The following ZNF775 variants were observed in gnomAD, a reference collection of about 807,000 sequenced individuals.
ZNF775 encodes zinc finger protein 775.
In ZNF775, 1 loss-of-function variant was observed where a neutral mutation model predicts 2.4. That is an observed-to-expected ratio of 0.41 (90% CI 0.15 to 1.94). The LOEUF (loss-of-function observed/expected upper bound fraction) is 1.94, where lower values mean the gene tolerates loss of function less well. ZNF775 is among the 30% of genes most tolerant of loss of function. ZNF775 has a pLI of 0.30. For synonymous variants in ZNF775, 381 were observed against 373.3 expected, an observed-to-expected ratio of 1.02 and a Z score of -0.24; for missense variants, 823 against 826.6, an observed-to-expected ratio of 1.00 and a Z score of 0.05.
intron 1 of ZNF775, among the ~76,000 whole-genome samples, chr7:150,385,070 C>T (rs1018442986): frequency 2.6e-5 from 4 of 152,126 alleles, no homozygotes; most frequent in Non-Finnish European, 4.4e-5. Context: ...TGAGAGGTTT[C>T]CCAAGATGTG....
chr7:150,396,411 G>GC (rs1800650841), intron 2 of ZNF775, 102 bp from the exon 3 acceptor site: 2 of 1,383,744 alleles, frequency 1.4e-6, no homozygotes, highest in African/African-American at 1.5e-5. Flanking sequence ...GCCCCTCTCT[G>GC]CCCTCCTGCA....
chr7:150,397,378 C>G lies in ZNF775; in HGVS notation c.897C>G (p.His299Gln). 2 of 1,598,408 alleles carry G rather than the reference C, an allele frequency of 1.3e-6. No homozygotes were observed. The highest frequency in any genetic ancestry group is 1.7e-6 in the Non-Finnish European group (2 of 1,175,386). The change falls in exon 3 of 3, where the codon CAC becomes CAG. Residue 299 changes from histidine (H) to glutamine (Q), a missense_variant. Transcript: ENST00000329630. ...SFTWWSSLNI[H>Q]QRIHTGERPY... ...CCTGGTGGTCGTCGCTGAACATCCA[C>G]CAGCGCATCCACACTGGCGAGCGCC...
intron 1 of ZNF775, chr7:150,379,744 T>A (rs1800327995): frequency 1.3e-5 from 2 of 152,340 alleles, no homozygotes; most frequent in African/African-American, 4.8e-5. Flanking sequence ...TCTCCTGGGC[T>A]GTCCCGTTGT....
Position 150,397,212 on chromosome 7 carries a change from C to G in ZNF775, c.731C>G (p.Pro244Arg). 9.0e-7 allele frequency: 1 copy of G among 1,108,068 alleles called. No homozygotes were observed. Among genetic ancestry groups the G allele is most frequent in the Non-Finnish European group, 1.1e-6 (1 of 909,884 alleles). The allele number at this position is 1,108,068 out of a possible 1,614,324, so 68.6% of individuals were successfully genotyped here. The change falls in exon 3 of 3, where the codon CCG (proline) becomes CGG (arginine). Residue 244 changes from proline to arginine, a missense_variant. By Grantham distance (103) the Pro-to-Arg change is moderately radical (BLOSUM62 -2). Transcript: ENST00000329630. ...RRACRLQPGPPRGRPEWAWLG... is the reference protein window; with the variant it reads ...RRACRLQPGPRRGRPEWAWLG... ...GCCTGTCGCCTGCAGCCGGGGCCGCCGCGGGGGCGCCCCGAGTGGGCCTGG... is the reference window on the plus strand; with the variant it reads ...GCCTGTCGCCTGCAGCCGGGGCCGCGGCGGGGGCGCCCCGAGTGGGCCTGG...
At chr7:150,390,905 G>A (rs1800548586) in intron 2 of ZNF775, among the ~76,000 whole-genome samples, 2 of 152,200 alleles carry the variant, frequency 1.3e-5, no homozygotes. Context: ...CTCAGTTTAT[G>A]CTCTCAGAAT....
In ZNF775 at chr7:150,397,437, G is replaced by A; in HGVS notation, c.956G>A (p.Ser319Asn). ...TGCCCCGAGTGCGGCCGCCGCTTCA[G>A]CCAGAAGCCCAACTTGACGCGGCAC... is the stretch of plus-strand genomic sequence containing the variant. ...YACPECGRRF[S>N]QKPNLTRHLR... Residue 319 changes from serine (S) to asparagine (N), a missense_variant, in exon 3 of 3, where the codon AGC becomes AAC. Ser to Asn is a conservative substitution (Grantham distance 46). Transcript: ENST00000329630. 3 of 1,595,694 alleles carry A rather than the reference G, an allele frequency of 1.9e-6. No individual in the cohort carries two copies. Among genetic ancestry groups the A allele is most frequent in the Non-Finnish European group, 2.6e-6 (3 of 1,174,960 alleles).
In ZNF775 at chr7:150,382,188, T is replaced by G. The variant is rs1800376177; in HGVS notation, c.-50+2796T>G. ...GAGCGTGGAGGCTCCTGTGTGGCGC[T>G]GGGGGCCTCTGAGATTCCCAACTGG... On this transcript the variant is annotated intron_variant, in intron 1 of 2. Coordinates refer to ENST00000329630, the MANE Select transcript of ZNF775 (RefSeq NM_173680.4). This position sits in a 1 kb window ranked among gnomAD's most constrained non-coding sequence, Gnocchi z 4.6. 6.6e-6 allele frequency among the ~76,000 whole-genome samples: 1 copy of G among 152,056 alleles called. No homozygotes were observed. The highest frequency in any genetic ancestry group is 1.5e-5 in the Non-Finnish European group (1 of 67,988).
chr7:150,389,802 A>G (rs1304128622), intron 2 of ZNF775, among the ~76,000 whole-genome samples: 2 of 150,818 alleles, frequency 1.3e-5, no homozygotes, highest in Admixed American at 6.6e-5. Flanking sequence ...CATCTGGAGG[A>G]CCCCGTTTTT....
rs71196708 is a variant in ZNF775, at chr7:150,389,859, TTGTGTGTGTGTGTGTGTGTGTGTG to T, written c.31+1396_31+1419del. On this transcript the variant is annotated intron_variant, in intron 2 of 2. Coordinates refer to ENST00000329630, the MANE Select transcript of ZNF775 (RefSeq NM_173680.4). ...CTTTTAAGCAACTTTTAATTTTTAT[TTGTGTGTGTGTGTGTGTGTGTGTG>T]TGTGTGTGTGTGTGTGTGTGTGTGT... is the stretch of plus-strand genomic sequence containing the variant. Among the ~76,000 whole-genome samples, 102 of 138,872 alleles carry T rather than the reference TTGTGTGTGTGTGTGTGTGTGTGTG, an allele frequency of 7.3e-4. 1 individual carries two copies. Among genetic ancestry groups the T allele is most frequent in the Middle Eastern group, 3.6e-3 (1 of 278 alleles). 91.1% of individuals were successfully genotyped at this position (138,872 alleles called of 152,430 possible). A position where few individuals can be genotyped will look rare whatever the true frequency, so the allele number is the denominator to read the frequency against.
chr7:150,389,559 C>T (rs1012216100), intron 2 of ZNF775, among the ~76,000 whole-genome samples: 2 of 152,188 alleles, frequency 1.3e-5, no homozygotes, highest in Non-Finnish European at 2.9e-5. Flanking sequence ...CACATGTGCC[C>T]AGCGTGTTAT....
At chr7:150,383,218 C>G (rs1200067482) in intron 1 of ZNF775, among the ~76,000 whole-genome samples, 2 of 152,154 alleles carry the variant, frequency 1.3e-5, no homozygotes, top group East Asian at 3.8e-4. Context: ...AAATTAAAAA[C>G]ATCTGCTATT....
rs1800423231 is a variant in ZNF775, at chr7:150,384,838, C to A, written c.-49-3584C>A. On this transcript the variant is annotated intron_variant, in intron 1 of 2. Coordinates refer to ENST00000329630, the MANE Select transcript of ZNF775 (RefSeq NM_173680.4). The surrounding 1 kb of genome is among the most constrained non-coding windows in gnomAD (Gnocchi z 4.1). ...GAAGGCCTGCTACTACCTGGAGTGG[C>A]TGTTAGGTCCTAATACCTCTTGGGA... is the stretch of plus-strand genomic sequence containing the variant. Among the ~76,000 whole-genome samples, 1 of 152,128 alleles carries A rather than the reference C, an allele frequency of 6.6e-6. No homozygotes were observed. Among genetic ancestry groups the A allele is most frequent in the Non-Finnish European group, 1.5e-5 (1 of 68,020 alleles).
At chr7:150,393,321 T>C (rs945115166) in intron 2 of ZNF775, among the ~76,000 whole-genome samples, 1 of 152,374 alleles carries the variant, frequency 6.6e-6, no homozygotes, top group Non-Finnish European at 1.5e-5. Context: ...AGCTTACTTC[T>C]TTTTATTGTT....
intron 1 of ZNF775, chr7:150,380,140 G>A (rs930374187): frequency 2.0e-5 from 3 of 152,254 alleles, no homozygotes; most frequent in African/African-American, 7.2e-5. Context: ...CCAGGGGTTG[G>A]AGGCGGACGA....
rs1396306787 is a variant in ZNF775, at chr7:150,397,782, A to G, written c.1301A>G (p.Gln434Arg). 1 of 1,543,932 alleles carries G rather than the reference A, an allele frequency of 6.5e-7. No individual in the cohort carries two copies. The highest frequency in any genetic ancestry group is 8.7e-7 in the Non-Finnish European group (1 of 1,150,082). The stretch of plus-strand genomic sequence containing the variant: ...CGGGACACGCTGTGGGGCCGGGGAC[A>G]AGCGGGCCTCGCTGGGCCTGGCGAG... ...GARDTLWGRG[Q>R]AGLAGPGEPR... Residue 434 changes from glutamine (Q) to arginine (R), a missense_variant, in exon 3 of 3, where the codon CAA becomes CGA. By Grantham distance (43) the Gln-to-Arg change is conservative. Coordinates refer to ENST00000329630, the MANE Select transcript of ZNF775 (RefSeq NM_173680.4).
intron 2 of ZNF775, among the ~76,000 whole-genome samples, chr7:150,394,743 A>G (rs1800619939): frequency 6.9e-6 from 1 of 145,358 alleles, no homozygotes; most frequent in Admixed American, 7.2e-5. Context: ...ATTTTATCAT[A>G]TGACTTTTTC....
chr7:150,397,103 A>T lies in ZNF775; in HGVS notation c.622A>T (p.Ile208Phe), dbSNP rs1218017521. The T allele has an allele frequency of 3.9e-6, 6 of 1,557,530 alleles. No individual in the cohort carries two copies. Among genetic ancestry groups the T allele is most frequent in the Non-Finnish European group, 5.2e-6 (6 of 1,159,864 alleles). Residue 208 changes from isoleucine to phenylalanine, a missense_variant, in exon 3 of 3, where the codon ATC (isoleucine) becomes TTC (phenylalanine). Physicochemically the swap from Ile to Phe is conservative, Grantham distance 21. Transcript: ENST00000329630. ...CTTCCGTCACCAGGTGGGCCTCCGC[A>T]TCCACCAGCGCGCGCACGCCCGGGA... ...RCFRHQVGLR[I>F]HQRAHARDRQ...
chr7:150,391,415 GGA>G (rs1156902405), intron 2 of ZNF775, among the ~76,000 whole-genome samples: 7 of 152,152 alleles, frequency 4.6e-5, no homozygotes, highest in Admixed American at 2.6e-4. Flanking sequence ...GGCTGAGGCA[GGA>G]GAATCACTTG....
chr7:150,397,763 A>G lies in ZNF775; in HGVS notation c.1282A>G (p.Thr428Ala), dbSNP rs13225910. Residue 428 changes from threonine to alanine, a missense_variant, in exon 3 of 3, where the codon ACG becomes GCG. By Grantham distance (58) the Thr-to-Ala change is moderately conservative (BLOSUM62 0). Coordinates refer to ENST00000329630, the MANE Select transcript of ZNF775 (RefSeq NM_173680.4). ...CCAACGGTCCCCGGGGGCCCGGGAC[A>G]CGCTGTGGGGCCGGGGACAAGCGGG... Reference protein sequence around the residue: ...SSQRSPGARDTLWGRGQAGLA... With the variant: ...SSQRSPGARDALWGRGQAGLA... 0.45 allele frequency: 673,284 copies of G among 1,512,826 alleles called. 152,016 individuals carry two copies. Among genetic ancestry groups the G allele is most frequent in the East Asian group, 0.58 (22,975 of 39,740 alleles). 93.7% of individuals were successfully genotyped at this position (1,512,826 alleles called of 1,614,324 possible).
Sources: gnomAD v4.1 joint callset for allele counts (sites outside exome capture counted in the v4.1 genomes callset) on GRCh38, gnomAD v4.1.1 for gene constraint, Gnocchi (gnomAD v3.1) non-coding constraint, MANE v1.5 for transcripts, NCBI Gene and HGNC (gene_info 2026-07-23, HGNC 2026-07-21) for gene names.